The following KANSL1L variants were observed in gnomAD, a reference collection of about 807,000 sequenced individuals.
The protein encoded by KANSL1L is KAT8 regulatory NSL complex subunit 1 like, also known as KAT8 regulatory NSL complex subunit 1-like protein.
In KANSL1L, 25 loss-of-function variants were observed where a neutral mutation model predicts 108.6. The ratio of observed to expected loss-of-function variants is 0.23; its 90% CI spans 0.17 to 0.32. The LOEUF (loss-of-function observed/expected upper bound fraction) is 0.32. Among genes scored for constraint, KANSL1L ranks in the 10% least tolerant of loss-of-function variants. The pLI is 1.00. For synonymous variants in KANSL1L, 405 were observed against 395.1 expected (o/e 1.03, Z -0.30); for missense variants, 1,137 against 1,125.7 (o/e 1.01, Z -0.14).
intron 8 of KANSL1L, among the ~76,000 whole-genome samples, chr2:210,037,224 TA>T (rs2094115593): frequency 6.6e-6 from 1 of 152,264 alleles, no homozygotes; most frequent in African/African-American, 2.4e-5. Flanking sequence ...TGCATACTTA[TA>T]TTTTTATCAC....
At chr2:210,142,541 C>T (rs2095237779) in intron 2 of KANSL1L, among the ~76,000 whole-genome samples, 1 of 151,794 alleles carries the variant, frequency 6.6e-6, no homozygotes, top group African/African-American at 2.4e-5. Flanking sequence ...TTAGTTTGTT[C>T]TTTTTCTGCT....
At chr2:210,109,657 G>A (rs983110566) in intron 3 of KANSL1L, among the ~76,000 whole-genome samples, 12 of 152,054 alleles carry the variant, frequency 7.9e-5, no homozygotes, top group Non-Finnish European at 1.5e-4. Flanking sequence ...GACCAATATT[G>A]TGAGAGCTTC....
At chr2:210,167,294 T>C (rs1199774576) in intron 1 of KANSL1L, among the ~76,000 whole-genome samples, 1 of 152,062 alleles carries the variant, frequency 6.6e-6, no homozygotes, top group Non-Finnish European at 1.5e-5. Flanking sequence ...CAGTACTTTA[T>C]ATTCAATGAT....
chr2:210,096,143 C>A (rs2094733831), intron 5 of KANSL1L, among the ~76,000 whole-genome samples: 1 of 152,070 alleles, frequency 6.6e-6, no homozygotes, highest in African/African-American at 2.4e-5. Flanking sequence ...GTAGCTGATT[C>A]CAACAAAAAC....
At chr2:210,086,443 C>T (rs1559545008) in intron 5 of KANSL1L, among the ~76,000 whole-genome samples, 1 of 150,506 alleles carries the variant, frequency 6.6e-6, no homozygotes, top group Non-Finnish European at 1.5e-5. Context: ...CTTAGTTGCA[C>T]AGTTCCTGGT....
At chr2:210,139,167 A>C (rs2095203932) in intron 2 of KANSL1L, among the ~76,000 whole-genome samples, 1 of 152,208 alleles carries the variant, frequency 6.6e-6, no homozygotes, top group Non-Finnish European at 1.5e-5. Context: ...CTTAAAGTTG[A>C]AAAATTGTAA....
chr2:210,166,531 T>A (rs926936737), intron 1 of KANSL1L, among the ~76,000 whole-genome samples: 1 of 152,158 alleles, frequency 6.6e-6, no homozygotes. Context: ...CAAATCTGAA[T>A]TCCTATCCCC....
intron 8 of KANSL1L, among the ~76,000 whole-genome samples, chr2:210,033,898 A>G (rs1222629461): frequency 6.6e-6 from 1 of 151,874 alleles, no homozygotes; most frequent in East Asian, 1.9e-4. Flanking sequence ...TTTTCCTTCT[A>G]ATTCGTTACT....
chr2:210,131,332 G>A (rs1476520509), intron 2 of KANSL1L, among the ~76,000 whole-genome samples: 1 of 152,162 alleles, frequency 6.6e-6, no homozygotes, highest in Non-Finnish European at 1.5e-5. Context: ...TAAAAGAATG[G>A]ATTCAAGGTT....
Position 210,029,907 on chromosome 2 carries a change from T to G in KANSL1L, c.2167A>C (p.Lys723Gln), listed in dbSNP as rs1330284147. Residue 723 changes from lysine (K) to glutamine (Q), a missense_variant, in exon 10 of 15, where the codon AAA becomes CAA. By Grantham distance (53) the Lys-to-Gln change is moderately conservative. Around this residue, in one of 3 missense-constraint regions of KANSL1L, gnomAD observed 575 missense variants for 567.1 expected, o/e 1.01. Coordinates refer to ENST00000281772, the MANE Select transcript of KANSL1L (RefSeq NM_152519.4). The part of the protein sequence containing the change: ...LSETALGERT[K>Q]LEESDFQHTE... ...TGTTGAAAATCAGATTCTTCAAGTTTAGTTCTTTCTCCTGCCATGGAAAGA... is the reference window on the plus strand; with the variant it reads ...TGTTGAAAATCAGATTCTTCAAGTTGAGTTCTTTCTCCTGCCATGGAAAGA... The G allele has an allele frequency of 1.9e-6, 3 of 1,571,192 alleles. No homozygotes were observed. Among genetic ancestry groups the G allele is most frequent in the Admixed American group, 1.7e-5 (1 of 59,142 alleles).
rs1465412760 is a variant in KANSL1L at position 210,058,729 on chromosome 2, C to A, written c.1756-14625G>T. The stretch of plus-strand genomic sequence containing the variant: ...GCGGGCGCCTGTAGTCCCAGCTACT[C>A]GGGAGGTTGAGGCAGGAGAATGGTG... On this transcript the variant is annotated intron_variant, in intron 6 of 14. Coordinates refer to ENST00000281772, the MANE Select transcript of KANSL1L (RefSeq NM_152519.4). Among the ~76,000 whole-genome samples, 136 of 150,542 alleles carry A rather than the reference C, an allele frequency of 9.0e-4. 2 individuals carry two copies. The Admixed American group carries it at 9.1e-3, about 10-fold the overall frequency.
In KANSL1L at chr2:210,022,527, CTAATA is replaced by C. The variant is rs1281557853; in HGVS notation, c.*417_*421del. On this transcript the variant is annotated 3_prime_UTR_variant, in exon 15 of 15. Transcript: ENST00000281772. The stretch of plus-strand genomic sequence containing the variant: ...TTTTATACACACATATTTGTATATT[CTAATA>C]TATTACTAAGGCAATTTTAATGAAT... 5.8e-6 allele frequency: 1 copy of C among 171,736 alleles called. No homozygotes were observed. The highest frequency in any genetic ancestry group is 1.3e-5 in the Non-Finnish European group (1 of 79,730). The allele number at this position is 171,736 out of a possible 1,614,324, so 10.6% of individuals were successfully genotyped here.
chr2:210,085,657 C>T (rs1478015770), intron 5 of KANSL1L, among the ~76,000 whole-genome samples: 2 of 151,860 alleles, frequency 1.3e-5, no homozygotes, highest in South Asian at 2.1e-4. Context: ...TTCATTTATA[C>T]CCTTCACATC....
intron 5 of KANSL1L, 67 bp from the exon 6 acceptor site, chr2:210,075,823 CAAAG>C: frequency 3.4e-6 from 4 of 1,182,654 alleles, no homozygotes; most frequent in South Asian, 1.4e-5. Context: ...ACAAAAAAGA[CAAAG>C]AAAACTAAAT....
chr2:210,169,960 G>A (rs1263451850), intron 1 of KANSL1L, among the ~76,000 whole-genome samples: 4 of 152,098 alleles, frequency 2.6e-5, no homozygotes, highest in East Asian at 3.8e-4. Flanking sequence ...AATCTCTTAA[G>A]ACAGAGACCA....
At chr2:210,163,702 A>G (rs1211559560) in intron 1 of KANSL1L, among the ~76,000 whole-genome samples, 1 of 152,172 alleles carries the variant, frequency 6.6e-6, no homozygotes, top group Non-Finnish European at 1.5e-5. Flanking sequence ...GAAGAAATAT[A>G]TAAAATTATA....
Position 210,132,071 on chromosome 2 carries a change from A to G in KANSL1L, c.1089-2899T>C, listed in dbSNP as rs1214229173. ...TGAATAAAACATGTTTGCTATGCTT[A>G]TAAGTGGTAAACAAAAATGTTTGCT... On this transcript the variant is annotated intron_variant, in intron 2 of 14. Transcript: ENST00000281772. 2.0e-5 allele frequency among the ~76,000 whole-genome samples: 3 copies of G among 152,328 alleles called. No homozygotes were observed. In the East Asian group the frequency reaches 5.8e-4, roughly 29 times the overall value.
intron 5 of KANSL1L, among the ~76,000 whole-genome samples, chr2:210,084,968 AAG>A (rs1389924754): frequency 6.6e-6 from 1 of 152,198 alleles, no homozygotes; most frequent in Non-Finnish European, 1.5e-5. Context: ...TTGAAAATAA[AAG>A]AGACTTAGGA....
At chr2:210,139,189 A>G (rs894279307) in intron 2 of KANSL1L, among the ~76,000 whole-genome samples, 4 of 152,242 alleles carry the variant, frequency 2.6e-5, no homozygotes, top group Non-Finnish European at 1.5e-5. Flanking sequence ...TTGAGCCATC[A>G]TAAGTCAGGG....
Sources: allele counts gnomAD v4.1 joint callset (sites outside exome capture counted in the v4.1 genomes callset), GRCh38; gene constraint gnomAD v4.1.1; regional missense constraint gnomAD v4.1.1; transcripts MANE v1.5; gene names NCBI Gene and HGNC (gene_info 2026-07-23, HGNC 2026-07-21).